The following ERCC2 variants were observed in gnomAD, a reference collection of about 807,000 sequenced individuals.
ERCC2 encodes ERCC excision repair 2, TFIIH core complex helicase subunit.
ERCC2 carries 90 observed loss-of-function variants against 99.4 expected under a neutral mutation model. That is an observed-to-expected ratio of 0.91 (90% CI 0.76 to 1.08). The LOEUF (loss-of-function observed/expected upper bound fraction) is 1.08. ERCC2 is among the 50% of genes least tolerant of loss of function. The probability of loss-of-function intolerance (pLI) is 0.00; values close to 1 mark genes in which losing one functional copy is unlikely to be tolerated. For missense variants in ERCC2, 993 were observed against 1,038.1 expected (o/e 0.96, Z 0.60); for synonymous variants, 497 against 432.4 (o/e 1.15, Z -1.85).
chr19:45,357,882 C>T (rs1358352050), intron 12 of ERCC2, 183 bp from the exon 13 acceptor site: 2 of 650,062 alleles, frequency 3.1e-6, no homozygotes, highest in African/African-American at 3.6e-5. Flanking sequence ...AAAATACACC[C>T]CAACCTGTCC....
intron 11 of ERCC2, among the ~76,000 whole-genome samples, chr19:45,362,432 C>A (rs238404): frequency 2.0e-5 from 3 of 152,038 alleles, no homozygotes; most frequent in Admixed American, 2.0e-4. Flanking sequence ...CAGAGTCCCA[C>A]GGATACCACG....
chr19:45,358,963 C>T, intron 12 of ERCC2: 1 of 735,282 alleles, frequency 1.4e-6, no homozygotes, highest in Admixed American at 2.0e-5. Context: ...TTCGGTTTCA[C>T]ACAGTGAAAA....
rs149818919 is a variant in ERCC2 at position 45,352,612 on chromosome 19, C to T, written c.1940G>A (p.Arg647His). The T allele has an allele frequency of 5.6e-6, 9 of 1,613,874 alleles. No individual in the cohort carries two copies. Among genetic ancestry groups the T allele is most frequent in the East Asian group, 4.5e-5 (2 of 44,888 alleles). The change falls in exon 21 of 23, where the codon CGT (arginine) becomes CAT (histidine). Residue 647 changes from arginine (R) to histidine (H), a missense_variant. Around this residue, in one of 3 missense-constraint regions of ERCC2, gnomAD observed 909 missense variants for 930.8 expected, o/e 0.98. Coordinates refer to ENST00000391945, the MANE Select transcript of ERCC2 (RefSeq NM_000400.4). ...ATCGAAGGTAAGAAAGTCATTCTCA[C>T]GAATCTGGAACTGGTCCCGCAGGTA... ...LEYLRDQFQI[R>H]ENDFLTFDAM... is the part of the protein sequence containing the mutation.
Position 45,354,972 on chromosome 19 carries a change from CCCT to C in ERCC2, c.1544-124_1544-122del, listed in dbSNP as rs1326759719. On this transcript the variant is annotated intron_variant, in intron 16 of 22. Transcript: ENST00000391945. ...CCTGTCAGGCTTTTCACACATATCCCCCTCCTCCTCCTCCCGGGCGTGTCTGAG... is the reference window on the plus strand; with the variant it reads ...CCTGTCAGGCTTTTCACACATATCCCCCTCCTCCTCCCGGGCGTGTCTGAG... 1.8e-4 allele frequency: 226 copies of C among 1,261,366 alleles called. 2 individuals are homozygous for C. The highest frequency in any genetic ancestry group is 1.4e-3 in the South Asian group (115 of 82,786). 78.1% of individuals were successfully genotyped at this position (1,261,366 alleles called of 1,614,324 possible).
chr19:45,352,758 G>C lies in ERCC2; in HGVS notation c.1890C>G (p.Ser630Arg). 6.2e-7 allele frequency: 1 copy of C among 1,613,990 alleles called. No homozygotes were observed. Reference protein sequence around the residue: ...MFGVPYVYTQSRILKARLEYL... With the variant: ...MFGVPYVYTQRRILKARLEYL... ...CAGAGCTACTCACCTTGAGAATGCG[G>C]CTCTGTGTGTAGACGTAGGGGACGC... is the stretch of plus-strand genomic sequence containing the variant. The change falls in exon 20 of 23, where the codon AGC (serine) becomes AGG (arginine). Residue 630 changes from serine (S) to arginine (R), a missense_variant. Ser to Arg is a moderately radical substitution (Grantham distance 110). This residue lies in a region of ERCC2 where 909 missense variants were observed against 930.8 expected (regional missense o/e 0.98). Coordinates refer to ENST00000391945, the MANE Select transcript of ERCC2 (RefSeq NM_000400.4).
chr19:45,363,771 G>A lies in ERCC2; in HGVS notation c.1090C>T (p.Arg364Cys), dbSNP rs367741538. 3.7e-5 allele frequency: 57 copies of A among 1,536,992 alleles called. No individual in the cohort carries two copies. The highest frequency in any genetic ancestry group is 4.5e-5 in the Non-Finnish European group (52 of 1,147,972). Reference sequence around the variant, plus strand: ...AGGGGCTTGCGCTGGATGCACACGCGCTGGGCCAGGCCGCTCAGGAAGGCG... The same window carrying A: ...AGGGGCTTGCGCTGGATGCACACGCACTGGGCCAGGCCGCTCAGGAAGGCG... ...PPAFLSGLAQRVCIQRKPLRF... is the reference protein window; with the variant it reads ...PPAFLSGLAQCVCIQRKPLRF... Residue 364 changes from arginine to cysteine, a missense_variant, in exon 11 of 23, where the codon CGC becomes TGC. Transcript: ENST00000391945.
Position 45,352,584 on chromosome 19 carries a change from G to A in ERCC2, c.1968C>T (p.Ala656=), listed in dbSNP as rs750550376. 3 of 1,613,936 alleles carry A rather than the reference G, an allele frequency of 1.9e-6. No homozygotes were observed. The highest frequency in any genetic ancestry group is 4.5e-5 in the East Asian group (2 of 44,886). Residue 656 remains alanine, a synonymous_variant, in exon 21 of 23, where the codon GCC becomes GCT. Coordinates refer to ENST00000391945, the MANE Select transcript of ERCC2 (RefSeq NM_000400.4). ...CCACACACTGGGCCGCGTGGCGCAT[G>A]GCATCGAAGGTAAGAAAGTCATTCT... ...IRENDFLTFD[A]MRHAAQCVGR...
intron 17 of ERCC2, 50 bp from the exon 18 acceptor site, chr19:45,353,384 T>G (rs1319397128): frequency 7.7e-7 from 1 of 1,300,238 alleles, no homozygotes. Context: ...ACAGCCATCC[T>G]GGTTACATCC....
At chr19:45,354,653 G>A in intron 17 of ERCC2, 77 bp downstream of exon 17, 2 of 1,575,898 alleles carry the variant, frequency 1.3e-6, no homozygotes, top group Non-Finnish European at 8.7e-7. Context: ...CAGAGTGTGA[G>A]AGGAATGAAG....
In ERCC2 at chr19:45,367,226, T is replaced by C. The variant is rs138686552; in HGVS notation, c.360+1404A>G. Among the ~76,000 whole-genome samples the C allele has an allele frequency of 2.4e-3, 360 of 151,970 alleles. 6 individuals carry two copies. The highest frequency in any genetic ancestry group is 0.016 in the Admixed American group (237 of 15,216). ...GTGGGGCACCTGTAATCCTAGCTAC[T>C]CAGGAGGCTGAGGCAGGAGAATTGC... On this transcript the variant is annotated intron_variant, in intron 5 of 22. Coordinates refer to ENST00000391945, the MANE Select transcript of ERCC2 (RefSeq NM_000400.4).
At chr19:45,358,534 A>G (rs1972093567) in intron 12 of ERCC2, 2 of 388,642 alleles carry the variant, frequency 5.1e-6, no homozygotes, top group Non-Finnish European at 9.6e-6. Context: ...CCGCCCCAAG[A>G]AGCCTCCCAT....
At position 45,365,265 on chromosome 19, in the gene ERCC2, C is replaced by A. The variant is rs959000991; in HGVS notation, c.361-107G>T. On this transcript the variant is annotated intron_variant, in intron 5 of 22. Coordinates refer to ENST00000391945, the MANE Select transcript of ERCC2 (RefSeq NM_000400.4). The stretch of plus-strand genomic sequence containing the variant: ...TGGCTGGGGTTTTGGACAACTTGAA[C>A]CTCAGTCTGTTGCATTATTAGTTAA... The A allele has an allele frequency of 1.1e-4, 89 of 819,052 alleles. 2 individuals carry two copies. The South Asian group carries it at 1.2e-3, about 11-fold the overall frequency. 50.7% of individuals were successfully genotyped at this position (819,052 alleles called of 1,614,324 possible). A position where few individuals can be genotyped will look rare whatever the true frequency, so the allele number is the denominator to read the frequency against.
chr19:45,351,210 T>A lies in ERCC2; in HGVS notation c.*419A>T. 2 of 1,589,004 alleles carry A rather than the reference T, an allele frequency of 1.3e-6. No homozygotes were observed. The highest frequency in any genetic ancestry group is 1.7e-6 in the Non-Finnish European group (2 of 1,166,988). On this transcript the variant is annotated 3_prime_UTR_variant, in exon 23 of 23. Coordinates refer to ENST00000391945, the MANE Select transcript of ERCC2 (RefSeq NM_000400.4). ...GGGGTTGGATAGTTGGCTGCCAGGC[T>A]GGACCTGGAGCTGGAGGGTGGATGT...
chr19:45,353,441 G>A, intron 17 of ERCC2, 107 bp from the exon 18 acceptor site: 1 of 763,120 alleles, frequency 1.3e-6, no homozygotes, highest in Non-Finnish European at 2.3e-6. Context: ...GGCCTCAGCT[G>A]GCTCATCTGA....
chr19:45,355,315 C>T (rs1971975842), intron 16 of ERCC2, among the ~76,000 whole-genome samples: 1 of 151,852 alleles, frequency 6.6e-6, no homozygotes, highest in South Asian at 2.1e-4. Context: ...CGAGATCATG[C>T]CACTGCACTC....
intron 16 of ERCC2, among the ~76,000 whole-genome samples, chr19:45,355,109 C>T (rs1971968295): frequency 6.6e-6 from 1 of 152,248 alleles, no homozygotes; most frequent in Non-Finnish European, 1.5e-5. Flanking sequence ...GTAATCCCAG[C>T]ACTTTGGGAG....
intron 17 of ERCC2, among the ~76,000 whole-genome samples, chr19:45,354,124 A>G (rs1197344547): frequency 6.6e-6 from 1 of 152,146 alleles, no homozygotes; most frequent in Admixed American, 6.5e-5. Context: ...ACCTCACCCC[A>G]AAGTGCTTTC....
At position 45,357,561 on chromosome 19, in the gene ERCC2, C is replaced by T; in HGVS notation, c.1308-18G>A. 6.2e-7 allele frequency: 1 copy of T among 1,614,080 alleles called. No individual in the cohort carries two copies. Among genetic ancestry groups the T allele is most frequent in the South Asian group, 1.1e-5 (1 of 91,082 alleles). Reference sequence around the variant, plus strand: ...CCATGCAGCTGGAGAGAGATGAGGGCAGTGAGGGCCCGGGGGGCTGGGCCC... The same window carrying T: ...CCATGCAGCTGGAGAGAGATGAGGGTAGTGAGGGCCCGGGGGGCTGGGCCC... On this transcript the variant is annotated intron_variant, in intron 13 of 22. Coordinates refer to ENST00000391945, the MANE Select transcript of ERCC2 (RefSeq NM_000400.4).
At chr19:45,368,326 GA>G in intron 5 of ERCC2, among the ~76,000 whole-genome samples, 1 of 152,302 alleles carries the variant, frequency 6.6e-6, no homozygotes, top group African/African-American at 2.4e-5. Flanking sequence ...CCAGGTGGCA[GA>G]AAATGCCTCT....
Sources: gnomAD v4.1 joint callset for allele counts (sites outside exome capture counted in the v4.1 genomes callset) on GRCh38, gnomAD v4.1.1 for gene constraint, gnomAD v4.1.1 regional missense constraint, MANE v1.5 for transcripts, NCBI Gene and HGNC (gene_info 2026-07-23, HGNC 2026-07-21) for gene names.